The following MAD1L1 variants were observed in gnomAD, a reference collection of about 807,000 sequenced individuals.
The protein encoded by MAD1L1 is mitotic spindle assembly checkpoint protein MAD1.
Under a neutral mutation model 96.9 loss-of-function variants are expected in MAD1L1, and 95 were observed. The observed-to-expected ratio is 0.98, with a 90% CI of 0.83 to 1.16. MAD1L1 has a LOEUF of 1.16. Ranked by LOEUF, MAD1L1 falls within the 50% of genes most tolerant of loss-of-function variation. MAD1L1 has a pLI of 0.00. For synonymous variants in MAD1L1, 473 were observed against 396.6 expected, an observed-to-expected ratio of 1.19 and a Z score of -2.29; for missense variants, 1,007 against 954.4, an observed-to-expected ratio of 1.06 and a Z score of -0.73.
chr7:2,220,958 CGG>C lies in MAD1L1; in HGVS notation c.472-1504_472-1503del, dbSNP rs113197514. On this transcript the variant is annotated intron_variant, in intron 5 of 18. Transcript: ENST00000265854. ...GGGTCACCCGTGTTGTAGGGGACGC[CGG>C]ACAGTTGGCAAGGAAGAGGCGCATA... The C allele has an allele frequency of 1.0e-3, 1,616 of 1,612,350 alleles. 10 individuals are homozygous for C. The African/African-American group carries it at 0.016, about 16-fold the overall frequency.
Position 2,088,212 on chromosome 7 carries a change from T to C in MAD1L1, c.1074-18874A>G, listed in dbSNP as rs1786025710. 6.6e-6 allele frequency among the ~76,000 whole-genome samples: 1 copy of C among 152,138 alleles called. No homozygotes were observed. Among genetic ancestry groups the C allele is most frequent in the African/African-American group, 2.4e-5 (1 of 41,426 alleles). On this transcript the variant is annotated intron_variant, in intron 11 of 18. Coordinates refer to ENST00000265854, the MANE Select transcript of MAD1L1 (RefSeq NM_001013836.2). This position sits in a 1 kb window ranked among gnomAD's most constrained non-coding sequence, Gnocchi z 4.4. ...CAGCAAAGCGACCTTGGATCACACATCGCGCCTCTTCACGCCTCCTCACAC... is the reference window on the plus strand; with the variant it reads ...CAGCAAAGCGACCTTGGATCACACACCGCGCCTCTTCACGCCTCCTCACAC...
intron 12 of MAD1L1, among the ~76,000 whole-genome samples, chr7:2,027,939 GAA>G (rs1318940444): frequency 6.6e-6 from 1 of 152,158 alleles, no homozygotes; most frequent in Non-Finnish European, 1.5e-5. Context: ...TATGAACATA[GAA>G]AAGTCAATAT....
intron 11 of MAD1L1, among the ~76,000 whole-genome samples, chr7:2,120,447 T>C (rs1787921123): frequency 6.6e-6 from 1 of 152,158 alleles, no homozygotes; most frequent in African/African-American, 2.4e-5. Flanking sequence ...GGCGCAGCCT[T>C]GGGGTCACCA....
chr7:2,111,199 C>T (rs1361789508), intron 11 of MAD1L1, among the ~76,000 whole-genome samples: 3 of 152,218 alleles, frequency 2.0e-5, no homozygotes, highest in Non-Finnish European at 4.4e-5. Context: ...CCTCGCTCCC[C>T]CCACACCATG....
chr7:2,083,969 G>A (rs1785782049), intron 11 of MAD1L1, among the ~76,000 whole-genome samples: 1 of 152,226 alleles, frequency 6.6e-6, no homozygotes, highest in African/African-American at 2.4e-5. Flanking sequence ...AGCGGGCGCA[G>A]ACTGGGCATG....
chr7:1,974,654 A>G (rs944350764), intron 15 of MAD1L1, among the ~76,000 whole-genome samples: 3 of 152,274 alleles, frequency 2.0e-5, no homozygotes. Context: ...AGAGAAAACT[A>G]TTCGAAAATC....
At chr7:1,907,551 C>G (rs893928657) in intron 17 of MAD1L1, among the ~76,000 whole-genome samples, 2 of 152,258 alleles carry the variant, frequency 1.3e-5, no homozygotes, top group African/African-American at 4.8e-5. Context: ...CCCGGCCCCA[C>G]TGATGACGCC....
chr7:1,827,089 G>A (rs1782433185), intron 18 of MAD1L1, among the ~76,000 whole-genome samples: 1 of 152,238 alleles, frequency 6.6e-6, no homozygotes, highest in South Asian at 2.1e-4. Flanking sequence ...GCCGGCTCGG[G>A]GTGGGGCGGC....
chr7:2,213,345 G>T, intron 9 of MAD1L1, 72 bp from the exon 10 acceptor site: 2 of 1,410,220 alleles, frequency 1.4e-6, no homozygotes, highest in Non-Finnish European at 2.0e-6. Context: ...TGACAATCAT[G>T]ATCACGGTGC....
At chr7:2,215,734 A>T in intron 9 of MAD1L1, 151 bp downstream of exon 9, 2 of 690,660 alleles carry the variant, frequency 2.9e-6, no homozygotes, top group Non-Finnish European at 5.1e-6. Flanking sequence ...TGAGGCATGG[A>T]CCTCTCTGGG....
At chr7:1,897,463 G>A (rs559062469) in intron 18 of MAD1L1, among the ~76,000 whole-genome samples, 3 of 152,180 alleles carry the variant, frequency 2.0e-5, no homozygotes, top group Non-Finnish European at 4.4e-5. Context: ...ACACCAGGCC[G>A]ACGGCACCAT....
chr7:2,044,087 G>C (rs1783814390), intron 12 of MAD1L1, among the ~76,000 whole-genome samples: 2 of 152,230 alleles, frequency 1.3e-5, no homozygotes, highest in African/African-American at 2.4e-5. Context: ...GAGCTGCCTA[G>C]AGCTGGCGGC....
chr7:1,979,092 C>T (rs1163871623), intron 15 of MAD1L1, among the ~76,000 whole-genome samples: 1 of 152,230 alleles, frequency 6.6e-6, no homozygotes, highest in Non-Finnish European at 1.5e-5. Flanking sequence ...CTCGGCAACC[C>T]TGAGAAAGAG....
intron 5 of MAD1L1, among the ~76,000 whole-genome samples, chr7:2,220,119 C>T (rs1793515922): frequency 6.6e-6 from 1 of 152,236 alleles, no homozygotes; most frequent in Non-Finnish European, 1.5e-5. Context: ...GCCCTCACAC[C>T]ACAGCAAGGC....
chr7:1,833,611 A>T (rs964604589), intron 18 of MAD1L1, among the ~76,000 whole-genome samples: 2 of 152,228 alleles, frequency 1.3e-5, no homozygotes, highest in Non-Finnish European at 2.9e-5. Context: ...AACATTTACC[A>T]AGGCAGTAAC....
chr7:1,989,395 G>A (rs1781302266), intron 14 of MAD1L1, among the ~76,000 whole-genome samples: 2 of 152,220 alleles, frequency 1.3e-5, no homozygotes, highest in African/African-American at 2.4e-5. Context: ...TCTCATTTAC[G>A]GAACTCAACT....
chr7:2,106,777 C>T (rs554981770), intron 11 of MAD1L1, among the ~76,000 whole-genome samples: 8 of 152,354 alleles, frequency 5.3e-5, no homozygotes, highest in African/African-American at 1.4e-4. Flanking sequence ...AGGGCTGCCC[C>T]TCCCCAGCTG....
chr7:2,208,818 A>G (rs1447640750), intron 10 of MAD1L1, among the ~76,000 whole-genome samples: 1 of 151,988 alleles, frequency 6.6e-6, no homozygotes, highest in African/African-American at 2.4e-5. Context: ...CGTACCTCAA[A>G]GGGTGTGTGC....
chr7:1,862,525 G>T lies in MAD1L1; in HGVS notation c.1998+35675C>A, dbSNP rs540402374. 1.2e-4 allele frequency among the ~76,000 whole-genome samples: 18 copies of T among 152,326 alleles called. No individual in the cohort carries two copies. In the South Asian group the frequency reaches 2.3e-3, roughly 19 times the overall value. ...CTCCCTGCCTTGCCCCTCCCAAGCT[G>T]TGTGAGTCTCTCAACCTTTCACAGT... On this transcript the variant is annotated intron_variant, in intron 18 of 18. Coordinates refer to ENST00000265854, the MANE Select transcript of MAD1L1 (RefSeq NM_001013836.2).
Sources: allele counts gnomAD v4.1 joint callset (sites outside exome capture counted in the v4.1 genomes callset), GRCh38; gene constraint gnomAD v4.1.1; non-coding constraint Gnocchi (gnomAD v3.1); transcripts MANE v1.5; gene names NCBI Gene and HGNC (gene_info 2026-07-23, HGNC 2026-07-21).